DOCK9: variants seen among roughly 807,000 people sequenced by gnomAD.
DOCK9 encodes dedicator of cytokinesis 9.
DOCK9 carries 89 observed loss-of-function variants against 263.3 expected under a neutral mutation model. The ratio of observed to expected loss-of-function variants is 0.34; its 90% CI spans 0.28 to 0.40. DOCK9 has a LOEUF of 0.40. DOCK9 is among the 10% of genes least tolerant of loss of function. DOCK9 has a pLI of 1.00. For missense variants in DOCK9, 2,140 were observed against 2,603.4 expected (o/e 0.82, Z 3.87); for synonymous variants, 976 against 973.1 (o/e 1.00, Z -0.06).
intron 27 of DOCK9, among the ~76,000 whole-genome samples, chr13:98,872,885 C>T (rs1294397923): frequency 6.6e-6 from 1 of 152,216 alleles, no homozygotes; most frequent in Non-Finnish European, 1.5e-5. Flanking sequence ...GTGGAATCTA[C>T]AGCTGCATTT....
At chr13:98,985,408 G>A (rs1388147410) in intron 1 of DOCK9, among the ~76,000 whole-genome samples, 9 of 150,482 alleles carry the variant, frequency 6.0e-5, no homozygotes, top group African/African-American at 2.0e-4. Context: ...TTCCCTACCC[G>A]CAGGTAGAAA....
At chr13:99,062,818 C>T (rs1245178352) in intron 1 of DOCK9, among the ~76,000 whole-genome samples, 1 of 152,214 alleles carries the variant, frequency 6.6e-6, no homozygotes, top group Non-Finnish European at 1.5e-5. Flanking sequence ...CCAAATATTC[C>T]ATTGGCAGGC....
intron 2 of DOCK9, among the ~76,000 whole-genome samples, 198 bp from the exon 3 acceptor site, chr13:98,930,455 T>TTA (rs2053735206): frequency 6.6e-6 from 1 of 152,158 alleles, no homozygotes; most frequent in Non-Finnish European, 1.5e-5. Flanking sequence ...CCAGGCTGGG[T>TTA]TACAGCTCCT....
intron 39 of DOCK9, among the ~76,000 whole-genome samples, chr13:98,836,338 C>A (rs1395057751): frequency 6.6e-6 from 1 of 152,192 alleles, no homozygotes; most frequent in Non-Finnish European, 1.5e-5. Context: ...TTAAAACCTT[C>A]CTTGCCTATT....
At chr13:98,876,158 T>G (rs1008772973) in intron 27 of DOCK9, among the ~76,000 whole-genome samples, 4 of 152,322 alleles carry the variant, frequency 2.6e-5, no homozygotes, top group East Asian at 3.9e-4. Context: ...GCCCAGGTGC[T>G]CCTACAACAC....
At chr13:99,086,210 G>C in intron 1 of DOCK9, 1 of 1,489,668 alleles carries the variant, frequency 6.7e-7, no homozygotes, top group Non-Finnish European at 8.9e-7. Flanking sequence ...GCCCGCGGTC[G>C]TCCCGCACTC....
At position 98,888,645 on chromosome 13, in the gene DOCK9, G is replaced by C; in HGVS notation, c.1776C>G (p.Ser592=). The change falls in exon 16 of 53, where the codon TCC becomes TCG. Residue 592 remains serine, a synonymous_variant. Transcript: ENST00000682017. ...ACTGACACTTACTAGGGAAGTCTGA[G>C]GAAACATTATCAATTGTAATGTCTA... ...GNLDITIDNV[S]SDFPNYVNSS... is the part of the protein sequence containing the mutation. The C allele has an allele frequency of 6.2e-7, 1 of 1,613,750 alleles. No individual in the cohort carries two copies. Among genetic ancestry groups the C allele is most frequent in the Non-Finnish European group, 8.5e-7 (1 of 1,179,746 alleles).
chr13:98,973,792 T>G (rs1037500872), intron 1 of DOCK9, among the ~76,000 whole-genome samples: 1 of 152,088 alleles, frequency 6.6e-6, no homozygotes, highest in Non-Finnish European at 1.5e-5. Flanking sequence ...GAGACGGAGT[T>G]TCGCCATGTT....
chr13:98,883,047 G>T lies in DOCK9; in HGVS notation c.2554C>A (p.Leu852Ile). The T allele has an allele frequency of 6.2e-7, 1 of 1,613,186 alleles. No individual in the cohort carries two copies. The highest frequency in any genetic ancestry group is 8.5e-7 in the Non-Finnish European group (1 of 1,179,634). ...CTAAGAAAGCCATGTGATACCTTAA[G>T]GTACTTTACAAGTTCGTTTCCTAAG... ...QALGNELVKY[L>I]KSLHAMEGHV... The change falls in exon 23 of 53, where the codon CTT becomes ATT. Residue 852 changes from leucine to isoleucine, a missense_variant. Physicochemically the swap from Leu to Ile is conservative, Grantham distance 5. This residue lies in a region of DOCK9 where 1,521 missense variants were observed against 1,741.7 expected (regional missense o/e 0.87). Coordinates refer to ENST00000682017, the MANE Select transcript of DOCK9 (RefSeq NM_001366683.2).
intron 1 of DOCK9, among the ~76,000 whole-genome samples, chr13:98,998,511 T>C (rs1192230814): frequency 2.0e-5 from 3 of 152,148 alleles, no homozygotes; most frequent in East Asian, 3.8e-4. Context: ...ACACCAAGCT[T>C]CCAAAACCCT....
intron 1 of DOCK9, among the ~76,000 whole-genome samples, chr13:98,971,432 G>A (rs2059717558): frequency 6.6e-6 from 1 of 152,124 alleles, no homozygotes; most frequent in Non-Finnish European, 1.5e-5. Flanking sequence ...TAGGGGCCGG[G>A]CGCGGTGGCT....
chr13:98,980,171 G>A (rs1415066490), upstream of DOCK9, among the ~76,000 whole-genome samples: 1 of 152,170 alleles, frequency 6.6e-6, no homozygotes, highest in Non-Finnish European at 1.5e-5. Context: ...CTAGAGGTGT[G>A]AGCCACTGTG....
chr13:99,067,102 A>G (rs765928900), intron 1 of DOCK9, among the ~76,000 whole-genome samples: 5 of 152,126 alleles, frequency 3.3e-5, no homozygotes, highest in Non-Finnish European at 7.3e-5. Context: ...CAAAATAGCC[A>G]AGCGGCAGAG....
At chr13:98,836,348 T>C (rs986136895) in intron 39 of DOCK9, among the ~76,000 whole-genome samples, 2 of 152,190 alleles carry the variant, frequency 1.3e-5, no homozygotes, top group South Asian at 2.1e-4. Flanking sequence ...CCTTGCCTAT[T>C]TACTAAGAAT....
chr13:98,795,391 C>T (rs1053071586), intron 52 of DOCK9, among the ~76,000 whole-genome samples: 2 of 151,980 alleles, frequency 1.3e-5, no homozygotes, highest in African/African-American at 4.8e-5. Context: ...TGTAGGTCTT[C>T]ACCTCCAGCA....
chr13:98,908,515 T>C (rs2049471714), intron 9 of DOCK9, among the ~76,000 whole-genome samples: 2 of 152,164 alleles, frequency 1.3e-5, no homozygotes, highest in Non-Finnish European at 1.5e-5. Flanking sequence ...GCAGTAGCAA[T>C]AGTTGAAATA....
chr13:98,969,762 T>G (rs2059551777), intron 1 of DOCK9, among the ~76,000 whole-genome samples: 1 of 152,160 alleles, frequency 6.6e-6, no homozygotes, highest in South Asian at 2.1e-4. Flanking sequence ...ACCAGGGCAG[T>G]GCATGCCAGG....
At chr13:99,049,030 G>C (rs966094873) in intron 1 of DOCK9, among the ~76,000 whole-genome samples, 1 of 152,144 alleles carries the variant, frequency 6.6e-6, no homozygotes, top group Non-Finnish European at 1.5e-5. Flanking sequence ...GGCTAAGAAT[G>C]GAAAGAAAAT....
intron 1 of DOCK9, among the ~76,000 whole-genome samples, chr13:99,010,108 T>C (rs898780534): frequency 9.2e-5 from 14 of 152,218 alleles, no homozygotes; most frequent in African/African-American, 3.1e-4. Context: ...TTTCTCCTCT[T>C]GTGACAAGCA....
Sources: allele counts gnomAD v4.1 joint callset (sites outside exome capture counted in the v4.1 genomes callset), GRCh38; gene constraint gnomAD v4.1.1; regional missense constraint gnomAD v4.1.1; transcripts MANE v1.5; gene names NCBI Gene and HGNC (gene_info 2026-07-23, HGNC 2026-07-21).